The following SYNRG variants were observed in gnomAD, a reference collection of about 807,000 sequenced individuals.
The protein encoded by SYNRG is synergin gamma, also known as AP1 gamma subunit binding protein 1.
SYNRG carries 37 observed loss-of-function variants against 130.9 expected under a neutral mutation model. The ratio of observed to expected loss-of-function variants is 0.28; its 90% CI spans 0.22 to 0.37. SYNRG has a LOEUF of 0.37. Ranked by LOEUF, SYNRG falls within the 10% of genes least tolerant of loss-of-function variation. The probability of loss-of-function intolerance (pLI) is 1.00; values close to 1 mark genes in which losing one functional copy is unlikely to be tolerated. For missense variants in SYNRG, 1,338 were observed against 1,588.9 expected (o/e 0.84, Z 2.68); for synonymous variants, 539 against 568.1 (o/e 0.95, Z 0.73).
chr17:37,565,719 G>A (rs558957096), intron 11 of SYNRG, among the ~76,000 whole-genome samples: 2 of 144,938 alleles, frequency 1.4e-5, no homozygotes, highest in African/African-American at 2.6e-5. Flanking sequence ...TGTGAGGAGC[G>A]CCTCTGCCCG....
chr17:37,603,040 A>C (rs2063430120), intron 1 of SYNRG, among the ~76,000 whole-genome samples: 1 of 152,124 alleles, frequency 6.6e-6, no homozygotes, highest in Admixed American at 6.5e-5. Flanking sequence ...CTCAAAACAA[A>C]ACAAAACAAA....
At chr17:37,595,461 TAA>T (rs2062678703) in intron 3 of SYNRG, among the ~76,000 whole-genome samples, 1 of 152,096 alleles carries the variant, frequency 6.6e-6, no homozygotes, top group Non-Finnish European at 1.5e-5. Flanking sequence ...CACATGGACA[TAA>T]AGACAGGCTC....
intron 14 of SYNRG, among the ~76,000 whole-genome samples, chr17:37,549,685 G>A (rs2145217987): frequency 1.3e-5 from 2 of 152,240 alleles, no homozygotes; most frequent in Non-Finnish European, 2.9e-5. Flanking sequence ...CTACCTCCCA[G>A]GATCAACTGA....
rs150391888 is a variant in SYNRG at position 37,548,933 on chromosome 17, G to A, written c.2608+4182C>T. On this transcript the variant is annotated intron_variant, in intron 14 of 21. Coordinates refer to ENST00000612223, the MANE Select transcript of SYNRG (RefSeq NM_007247.6). ...GCGGATTACCTGAGGTCAGGAGTTC[G>A]AGACCAGCCTGACCAACATGGAGAA... Among the ~76,000 whole-genome samples the A allele has an allele frequency of 4.4e-3, 673 of 151,236 alleles. 7 individuals are homozygous for A. The highest frequency in any genetic ancestry group is 0.016 in the African/African-American group (651 of 41,204).
chr17:37,600,498 G>T, intron 1 of SYNRG, 95 bp from the exon 2 acceptor site: 2 of 1,206,908 alleles, frequency 1.7e-6, no homozygotes, highest in East Asian at 2.5e-5. Context: ...ACTTGTAGAT[G>T]GGACCTGGTG....
intron 19 of SYNRG, among the ~76,000 whole-genome samples, chr17:37,528,569 G>T (rs1040280141): frequency 6.6e-6 from 1 of 152,176 alleles, no homozygotes; most frequent in African/African-American, 2.4e-5. Flanking sequence ...ATAGTGTTAA[G>T]CATTAAAAGC....
chr17:37,555,460 C>A (rs775823686), intron 13 of SYNRG, among the ~76,000 whole-genome samples: 10 of 151,932 alleles, frequency 6.6e-5, no homozygotes, highest in Non-Finnish European at 1.3e-4. Context: ...TTTCTATATT[C>A]TTTATTATCA....
chr17:37,559,414 G>C (rs1245597411), intron 13 of SYNRG, among the ~76,000 whole-genome samples: 6 of 152,246 alleles, frequency 3.9e-5, no homozygotes, highest in African/African-American at 1.2e-4. Flanking sequence ...GACTGGCCAA[G>C]TGTGGTGGCT....
intron 3 of SYNRG, among the ~76,000 whole-genome samples, chr17:37,587,981 A>G (rs2061834489): frequency 6.6e-6 from 1 of 151,790 alleles, no homozygotes; most frequent in South Asian, 2.1e-4. Flanking sequence ...TTTTTCCGTG[A>G]GCTTATTTTG....
rs1398082667 is a variant in SYNRG, at chr17:37,575,805, T to C, written c.901+536A>G. ...CTGCAGTGAGCCAAGATCCTGCCAC[T>C]GAACTCCAGCCTGGGTGACAGTAAG... On this transcript the variant is annotated intron_variant, in intron 8 of 21. Transcript: ENST00000612223. Among the ~76,000 whole-genome samples the C allele has an allele frequency of 2.1e-5, 3 of 140,270 alleles. No homozygotes were observed. In the Admixed American group the frequency reaches 2.3e-4, roughly 11 times the overall value. 92.0% of individuals were successfully genotyped at this position (140,270 alleles called of 152,430 possible).
chr17:37,548,910 G>A (rs1023619737), intron 14 of SYNRG, among the ~76,000 whole-genome samples: 127 of 151,370 alleles, frequency 8.4e-4, no homozygotes, highest in African/African-American at 2.7e-3. Context: ...CAAGGCGGGC[G>A]GATTACCTGA....
intron 19 of SYNRG, among the ~76,000 whole-genome samples, chr17:37,523,752 G>T (rs116966690): frequency 0.029 from 4,441 of 152,258 alleles, 91 homozygotes; most frequent in Non-Finnish European, 0.042. Flanking sequence ...GGGTCAAGGT[G>T]GGGGGAGAAG....
At chr17:37,550,044 C>A (rs1165632456) in intron 14 of SYNRG, among the ~76,000 whole-genome samples, 2 of 152,106 alleles carry the variant, frequency 1.3e-5, no homozygotes, top group Admixed American at 6.6e-5. Flanking sequence ...TGATATATAT[C>A]TAATAACTAG....
chr17:37,585,801 A>G (rs187819164), intron 4 of SYNRG, among the ~76,000 whole-genome samples: 13 of 152,326 alleles, frequency 8.5e-5, no homozygotes, highest in African/African-American at 2.9e-4. Flanking sequence ...ATACAGCAGA[A>G]AGAGTAATGA....
At position 37,577,488 on chromosome 17, in the gene SYNRG, G is replaced by T; in HGVS notation, c.715C>A (p.Pro239Thr). The change falls in exon 7 of 22, where the codon CCC becomes ACC. Residue 239 changes from proline (P) to threonine (T), a missense_variant. Physicochemically the swap from Pro to Thr is conservative, Grantham distance 38. Transcript: ENST00000612223. ...ACCCCGTTACTGGCCATTAAACTGG[G>T]ATACTTCTTACTGGAACCTGGGCCT... ...ALGPGSSKKY[P>T]SLMASNGVAV... The T allele has an allele frequency of 6.2e-7, 1 of 1,614,100 alleles. No homozygotes were observed.
intron 1 of SYNRG, among the ~76,000 whole-genome samples, chr17:37,608,297 TA>T (rs921661807): frequency 5.4e-5 from 8 of 147,932 alleles, no homozygotes; most frequent in Admixed American, 6.7e-5. Flanking sequence ...ACACTGCATA[TA>T]AAAAAAAAAC....
intron 1 of SYNRG, among the ~76,000 whole-genome samples, chr17:37,601,698 CTT>C (rs1344792091): frequency 6.6e-6 from 1 of 151,984 alleles, no homozygotes; most frequent in Non-Finnish European, 1.5e-5. Flanking sequence ...GGAGTTTGCT[CTT>C]GTCGTCCAGG....
chr17:37,596,429 T>C, intron 2 of SYNRG, 85 bp from the exon 3 acceptor site: 1 of 1,495,148 alleles, frequency 6.7e-7, no homozygotes, highest in Non-Finnish European at 9.1e-7. Context: ...ACTTGTTACT[T>C]GGCAGGAAGC....
chr17:37,568,843 A>C lies in SYNRG; in HGVS notation c.1429T>G (p.Phe477Val), dbSNP rs2060195458. Reference protein sequence around the residue: ...SGSLDDSFSDFQELPASSKTS... With the variant: ...SGSLDDSFSDVQELPASSKTS... The stretch of plus-strand genomic sequence containing the variant: ...TTTGAAGAAGCAGGCAACTCTTGGA[A>C]ATCACTGAATGAGTCATCAAGGGAT... The change falls in exon 11 of 22, where the codon TTC becomes GTC. Residue 477 changes from phenylalanine (F) to valine (V), a missense_variant. Coordinates refer to ENST00000612223, the MANE Select transcript of SYNRG (RefSeq NM_007247.6). 1.2e-6 allele frequency: 2 copies of C among 1,614,134 alleles called. No homozygotes were observed. The highest frequency in any genetic ancestry group is 1.1e-5 in the South Asian group (1 of 91,074).
Sources: gnomAD v4.1 joint callset for allele counts (sites outside exome capture counted in the v4.1 genomes callset) on GRCh38, gnomAD v4.1.1 for gene constraint, MANE v1.5 for transcripts, NCBI Gene and HGNC (gene_info 2026-07-23, HGNC 2026-07-21) for gene names.